Variants in DYM observed in about 807,000 individuals in gnomAD.
DYM encodes the protein dyggve-Melchior-Clausen syndrome protein.
DYM carries 78 observed loss-of-function variants against 93.1 expected under a neutral mutation model. That is an observed-to-expected ratio of 0.84 (90% CI 0.70 to 1.01). The LOEUF (loss-of-function observed/expected upper bound fraction) is 1.01. DYM is among the 50% of genes least tolerant of loss of function. DYM has a pLI of 0.00. For missense variants in DYM, 789 were observed against 845.0 expected, an observed-to-expected ratio of 0.93 and a Z score of 0.82; for synonymous variants, 321 against 319.7, an observed-to-expected ratio of 1.00 and a Z score of -0.04.
At chr18:49,274,629 C>T (rs985203777) in intron 10 of DYM, among the ~76,000 whole-genome samples, 3 of 152,092 alleles carry the variant, frequency 2.0e-5, no homozygotes, top group Non-Finnish European at 2.9e-5. Flanking sequence ...TAGATTTCTC[C>T]ACATCCTCAC....
At position 49,348,000 on chromosome 18, in the gene DYM, T is replaced by G. The variant is rs930855022; in HGVS notation, c.495-14147A>C. ...CTGGAAATGTCCTAGAACAAACCAC[T>G]GCTGGAGCAAGTTATTAATTTCATG... On this transcript the variant is annotated intron_variant, in intron 6 of 17. Transcript: ENST00000675505. Among the ~76,000 whole-genome samples, 5 of 152,308 alleles carry G rather than the reference T, an allele frequency of 3.3e-5. No homozygotes were observed. The East Asian group carries it at 9.6e-4, about 29-fold the overall frequency.
At chr18:49,382,949 T>C (rs150566384) in intron 3 of DYM, among the ~76,000 whole-genome samples, 3 of 152,112 alleles carry the variant, frequency 2.0e-5, no homozygotes, top group Non-Finnish European at 4.4e-5. Flanking sequence ...TTTTCTAAGA[T>C]CTCACCGAAA....
intron 6 of DYM, among the ~76,000 whole-genome samples, chr18:49,359,266 C>T (rs1018839907): frequency 1.8e-4 from 27 of 152,048 alleles, no homozygotes; most frequent in African/African-American, 5.3e-4. Context: ...CTAGTGGGAT[C>T]GATCCAATAC....
intron 17 of DYM, among the ~76,000 whole-genome samples, chr18:49,095,799 C>T (rs1232947425): frequency 6.6e-6 from 1 of 152,092 alleles, no homozygotes; most frequent in African/African-American, 2.4e-5. Flanking sequence ...AACATTCCAG[C>T]ACTTAGCCTG....
chr18:49,070,317 G>A (rs996900220), intron 17 of DYM, among the ~76,000 whole-genome samples: 2 of 152,220 alleles, frequency 1.3e-5, no homozygotes, highest in Non-Finnish European at 2.9e-5. Flanking sequence ...CCAGGATGTA[G>A]GTAAGGTGAT....
At chr18:49,421,791 C>T (rs183163529) in intron 2 of DYM, among the ~76,000 whole-genome samples, 41 of 152,248 alleles carry the variant, frequency 2.7e-4, no homozygotes, top group Non-Finnish European at 4.4e-4. Flanking sequence ...TAGAATAAAC[C>T]GCATAGAGAA....
At chr18:49,047,673 G>T (rs538447596) in intron 17 of DYM, among the ~76,000 whole-genome samples, 25 of 152,232 alleles carry the variant, frequency 1.6e-4, no homozygotes, top group Non-Finnish European at 2.5e-4. Context: ...CTAGGGCCTG[G>T]AGAGTTTGGG....
At chr18:49,074,185 G>C (rs772129350) in intron 17 of DYM, among the ~76,000 whole-genome samples, 3 of 152,140 alleles carry the variant, frequency 2.0e-5, no homozygotes, top group Non-Finnish European at 4.4e-5. Flanking sequence ...ACCAACCATG[G>C]ATTTAAAATA....
intron 13 of DYM, among the ~76,000 whole-genome samples, chr18:49,214,178 T>G (rs1309267562): frequency 6.6e-6 from 1 of 152,168 alleles, no homozygotes; most frequent in Non-Finnish European, 1.5e-5. Context: ...CTGAAGCCTG[T>G]TAGGAACTGG....
chr18:49,275,524 G>A (rs530891414), intron 10 of DYM, among the ~76,000 whole-genome samples: 2 of 152,150 alleles, frequency 1.3e-5, no homozygotes, highest in South Asian at 4.2e-4. Context: ...GATTCTAATA[G>A]GTATTGTGCT....
chr18:49,421,774 G>A (rs2073739917), intron 2 of DYM, among the ~76,000 whole-genome samples: 1 of 152,152 alleles, frequency 6.6e-6, no homozygotes, highest in Admixed American at 6.5e-5. Context: ...TTAGATGAAT[G>A]GCTAACTAGA....
chr18:49,448,661 C>A (rs1178427492), intron 1 of DYM, among the ~76,000 whole-genome samples: 1 of 152,134 alleles, frequency 6.6e-6, no homozygotes, highest in Non-Finnish European at 1.5e-5. Context: ...AGGGGGGATG[C>A]CCCCACTGCT....
intron 17 of DYM, among the ~76,000 whole-genome samples, chr18:49,086,442 T>C (rs1454605203): frequency 6.6e-6 from 1 of 152,190 alleles, no homozygotes; most frequent in African/African-American, 2.4e-5. Flanking sequence ...AGAGCCCTCA[T>C]GATCCAATCA....
intron 15 of DYM, among the ~76,000 whole-genome samples, chr18:49,156,639 G>C (rs543904276): frequency 1.3e-5 from 2 of 151,376 alleles, no homozygotes; most frequent in South Asian, 4.2e-4. Flanking sequence ...GGCTGAGGCA[G>C]GAGAATTGCT....
intron 17 of DYM, among the ~76,000 whole-genome samples, chr18:49,068,472 A>G (rs895238051): frequency 2.0e-5 from 3 of 152,154 alleles, no homozygotes; most frequent in Admixed American, 6.5e-5. Context: ...AAGGCTTACA[A>G]TGGAGAAGGG....
At chr18:49,061,425 G>A (rs889514354) in intron 17 of DYM, among the ~76,000 whole-genome samples, 2 of 152,166 alleles carry the variant, frequency 1.3e-5, no homozygotes, top group African/African-American at 2.4e-5. Context: ...AGAATAAGAG[G>A]GGGAATGTGA....
rs187066622 is a variant in DYM, at chr18:49,258,266, A to G, written c.1365+114T>C. 4 of 743,232 alleles carry G rather than the reference A, an allele frequency of 5.4e-6. No homozygotes were observed. The Admixed American group carries it at 8.0e-5, about 15-fold the overall frequency. The allele number at this position is 743,232 out of a possible 1,614,324, so 46.0% of individuals were successfully genotyped here. A position where few individuals can be genotyped will look rare whatever the true frequency, so the allele number is the denominator to read the frequency against. On this transcript the variant is annotated intron_variant, in intron 12 of 17. Coordinates refer to ENST00000675505, the MANE Select transcript of DYM (RefSeq NM_001353214.3). ...ATACAGTGACTATACAGTGACCGGT[A>G]TTTTCTACCATATGTCACGAGAATT... is the stretch of plus-strand genomic sequence containing the variant.
rs533530306 is a variant in DYM, at chr18:49,149,147, C to T, written c.1728+14538G>A. 2.1e-3 allele frequency among the ~76,000 whole-genome samples: 319 copies of T among 152,092 alleles called. 5 individuals are homozygous for T. Among genetic ancestry groups the T allele is most frequent in the Admixed American group, 0.018 (279 of 15,274 alleles). ...CGTGTACAGTTCACAATAGGGTTGG[C>T]GCTCCTATGAGAATCTAATGCTGCT... On this transcript the variant is annotated intron_variant, in intron 15 of 17. Transcript: ENST00000675505.
intron 1 of DYM, among the ~76,000 whole-genome samples, chr18:49,457,632 C>T (rs145775327): frequency 1.3e-5 from 2 of 152,280 alleles, no homozygotes; most frequent in Non-Finnish European, 2.9e-5. Flanking sequence ...TCTTAAGTCT[C>T]GGCAAAATAT....
Sources: gnomAD v4.1 joint callset for allele counts (sites outside exome capture counted in the v4.1 genomes callset) on GRCh38, gnomAD v4.1.1 for gene constraint, MANE v1.5 for transcripts, NCBI Gene and HGNC (gene_info 2026-07-23, HGNC 2026-07-21) for gene names.